The following TBC1D14 variants were observed in gnomAD, a reference collection of about 807,000 sequenced individuals.
The protein encoded by TBC1D14 is TBC1 domain family member 14, also known as TBC1 domain family, member 14.
TBC1D14 carries 26 observed loss-of-function variants against 79.0 expected under a neutral mutation model. The ratio of observed to expected loss-of-function variants is 0.33; its 90% confidence interval spans 0.24 to 0.46. TBC1D14 has a LOEUF of 0.46. Among genes scored for constraint, TBC1D14 ranks in the 20% least tolerant of loss-of-function variants. The pLI is 1.00. For synonymous variants in TBC1D14, 394 were observed against 349.9 expected (o/e 1.13, Z -1.40); for missense variants, 769 against 887.6 (o/e 0.87, Z 1.70).
chr4:7,001,097 T>C, intron 6 of TBC1D14, 48 bp from the exon 7 acceptor site: 2 of 1,546,022 alleles, frequency 1.3e-6, no homozygotes, highest in Non-Finnish European at 1.8e-6. Flanking sequence ...GGTAGACAAA[T>C]GTCTTTGTGT....
chr4:7,019,383 T>C (rs574042530), intron 12 of TBC1D14, among the ~76,000 whole-genome samples: 1 of 152,006 alleles, frequency 6.6e-6, no homozygotes, highest in South Asian at 2.1e-4. Flanking sequence ...CCGTTTCTGC[T>C]GCCTCTTGCA....
chr4:7,020,029 A>C (rs1279216968), intron 12 of TBC1D14, among the ~76,000 whole-genome samples: 1 of 149,488 alleles, frequency 6.7e-6, no homozygotes, highest in African/African-American at 2.5e-5. Flanking sequence ...CGCTGGGCTC[A>C]GGTCGGAGAG....
intron 2 of TBC1D14, among the ~76,000 whole-genome samples, chr4:6,928,319 G>T (rs1577471459): frequency 6.6e-6 from 1 of 152,320 alleles, no homozygotes; most frequent in South Asian, 2.1e-4. Context: ...CTGGCTGGGA[G>T]CTCCTTGGGG....
intron 13 of TBC1D14, among the ~76,000 whole-genome samples, chr4:7,029,773 C>T (rs1445726454): frequency 2.6e-5 from 4 of 152,104 alleles, no homozygotes; most frequent in African/African-American, 4.8e-5. Flanking sequence ...TACAGTGAGC[C>T]GAGATGGCGC....
intron 2 of TBC1D14, among the ~76,000 whole-genome samples, chr4:6,959,376 C>A (rs566193909): frequency 8.8e-4 from 134 of 152,270 alleles, no homozygotes; most frequent in Admixed American, 3.3e-3. Context: ...GGCTCAGAAG[C>A]AGTGCCTGCC....
At chr4:7,016,917 T>C (rs1223686960) in intron 12 of TBC1D14, among the ~76,000 whole-genome samples, 1 of 152,216 alleles carries the variant, frequency 6.6e-6, no homozygotes, top group African/African-American at 2.4e-5. Flanking sequence ...CAGCGTTTTT[T>C]GACTCGAGTG....
intron 3 of TBC1D14, among the ~76,000 whole-genome samples, chr4:6,976,862 C>T (rs572766136): frequency 5.3e-5 from 8 of 151,810 alleles, no homozygotes; most frequent in East Asian, 3.9e-4. Context: ...AACAATTTGC[C>T]GTATAATTAT....
intron 3 of TBC1D14, among the ~76,000 whole-genome samples, chr4:6,988,296 T>C (rs1426905134): frequency 1.3e-5 from 2 of 152,248 alleles, no homozygotes; most frequent in African/African-American, 4.8e-5. Context: ...AGTAATTTCA[T>C]AGTATATAGT....
chr4:7,027,888 C>A (rs756360601), intron 13 of TBC1D14, among the ~76,000 whole-genome samples: 1 of 148,782 alleles, frequency 6.7e-6, no homozygotes, highest in African/African-American at 2.5e-5. Flanking sequence ...CATTGCACAC[C>A]CAGTCACCCA....
chr4:7,002,302 T>C (rs1719753392), intron 7 of TBC1D14, among the ~76,000 whole-genome samples: 1 of 152,224 alleles, frequency 6.6e-6, no homozygotes, highest in African/African-American at 2.4e-5. Context: ...GGAAATGGTT[T>C]TTTAAAAGTA....
intron 12 of TBC1D14, among the ~76,000 whole-genome samples, chr4:7,021,133 A>T (rs1181128716): frequency 6.6e-6 from 1 of 152,174 alleles, no homozygotes; most frequent in Admixed American, 6.6e-5. Context: ...AAGCTCAGAC[A>T]AGCAGGCGGA....
chr4:6,921,439 C>T (rs1047008596), intron 1 of TBC1D14, among the ~76,000 whole-genome samples: 26 of 151,836 alleles, frequency 1.7e-4, no homozygotes, highest in African/African-American at 1.7e-4. Flanking sequence ...ATTCCTAGGC[C>T]GAAGCGATCC....
chr4:6,957,454 G>A (rs1714747462), intron 2 of TBC1D14, among the ~76,000 whole-genome samples: 1 of 152,194 alleles, frequency 6.6e-6, no homozygotes, highest in South Asian at 2.1e-4. Flanking sequence ...GCATGGTACG[G>A]CGTCTCCTTG....
At chr4:6,952,365 C>T (rs55740475) in intron 2 of TBC1D14, among the ~76,000 whole-genome samples, 3 of 152,056 alleles carry the variant, frequency 2.0e-5, no homozygotes, top group Non-Finnish European at 4.4e-5. Flanking sequence ...AGGGTTTGAT[C>T]GTATTCATTA....
At chr4:6,955,948 A>G (rs989067714) in intron 2 of TBC1D14, among the ~76,000 whole-genome samples, 2 of 152,158 alleles carry the variant, frequency 1.3e-5, no homozygotes, top group Non-Finnish European at 2.9e-5. Flanking sequence ...CCTCTTGGTT[A>G]AGTGCAATAA....
chr4:7,031,253 G>T lies in TBC1D14; in HGVS notation c.*861G>T, dbSNP rs1246259453. 1 of 152,348 alleles carries T rather than the reference G, an allele frequency of 6.6e-6. No homozygotes were observed. Among genetic ancestry groups the T allele is most frequent in the Admixed American group, 6.5e-5 (1 of 15,294 alleles). The allele number at this position is 152,348 out of a possible 1,614,324, so 9.4% of individuals were successfully genotyped here. A position where few individuals can be genotyped will look rare whatever the true frequency, so the allele number is the denominator to read the frequency against. On this transcript the variant is annotated 3_prime_UTR_variant, in exon 14 of 14. Transcript: ENST00000409757. Reference sequence around the variant, plus strand: ...CCCTCTCCCACCTGCCTGTTCAGTGGAGGCCAGGGCAGCAGCCCAGAACAG... The same window carrying T: ...CCCTCTCCCACCTGCCTGTTCAGTGTAGGCCAGGGCAGCAGCCCAGAACAG...
chr4:6,924,695 C>T (rs1208634971), intron 2 of TBC1D14, among the ~76,000 whole-genome samples: 1 of 152,204 alleles, frequency 6.6e-6, no homozygotes, highest in Non-Finnish European at 1.5e-5. Flanking sequence ...CCCATGGGGC[C>T]TTGTCACCTG....
In TBC1D14 at chr4:6,972,781, C is replaced by G. The variant is rs976397387; in HGVS notation, c.843+5357C>G. ...ACCCCTGGGGCATCTCAGCTGGACT[C>G]GAAGCTTCAGCGGTCAGGCTGCCGC... On this transcript the variant is annotated intron_variant, in intron 3 of 13. Coordinates refer to ENST00000409757, the MANE Select transcript of TBC1D14 (RefSeq NM_020773.3). Among the ~76,000 whole-genome samples, 39 of 152,126 alleles carry G rather than the reference C, an allele frequency of 2.6e-4. 1 individual carries two copies. The highest frequency in any genetic ancestry group is 1.5e-5 in the Non-Finnish European group (1 of 68,032).
chr4:7,024,806 C>T (rs544707921), intron 12 of TBC1D14, among the ~76,000 whole-genome samples, 198 bp from the exon 13 acceptor site: 1 of 152,176 alleles, frequency 6.6e-6, no homozygotes, highest in Non-Finnish European at 1.5e-5. Context: ...CTGCATGATT[C>T]TGTGCGGAAG....
Sources: gnomAD v4.1 joint callset for allele counts (sites outside exome capture counted in the v4.1 genomes callset) on GRCh38, gnomAD v4.1.1 for gene constraint, MANE v1.5 for transcripts, NCBI Gene and HGNC (gene_info 2026-07-23, HGNC 2026-07-21) for gene names.